The following ANAPC1 variants were observed in gnomAD, a reference collection of about 807,000 sequenced individuals.
ANAPC1 encodes anaphase-promoting complex subunit 1.
ANAPC1 carries 36 observed loss-of-function variants against 208.0 expected under a neutral mutation model. The observed-to-expected ratio is 0.17, with a 90% confidence interval of 0.13 to 0.23. ANAPC1 has a LOEUF of 0.23. Ranked by LOEUF, ANAPC1 falls within the 10% of genes least tolerant of loss-of-function variation. The probability of loss-of-function intolerance (pLI) is 1.00; values close to 1 mark genes in which losing one functional copy is unlikely to be tolerated. For missense variants in ANAPC1, 942 were observed against 2,011.6 expected (o/e 0.47, Z 10.17); for synonymous variants, 378 against 695.2 (o/e 0.54, Z 7.18).
At chr2:111,855,181 C>T (rs1372758047) in intron 13 of ANAPC1, among the ~76,000 whole-genome samples, 1 of 152,172 alleles carries the variant, frequency 6.6e-6, no homozygotes, top group Non-Finnish European at 1.5e-5. Context: ...AATGATCAGA[C>T]AGACCACACA....
chr2:111,836,188 C>G (rs1351709993), intron 18 of ANAPC1, among the ~76,000 whole-genome samples: 1 of 151,840 alleles, frequency 6.6e-6, no homozygotes, highest in Non-Finnish European at 1.5e-5. Context: ...ACTGGTCTTA[C>G]TATAATATGT....
chr2:111,883,611 A>G (rs1013906690), intron 1 of ANAPC1, among the ~76,000 whole-genome samples: 3 of 151,946 alleles, frequency 2.0e-5, no homozygotes, highest in African/African-American at 4.8e-5. Context: ...GCCTTTCTAG[A>G]GGACGGTGAA....
At chr2:111,771,859 T>C (rs1217562657) in intron 47 of ANAPC1, among the ~76,000 whole-genome samples, 7 of 152,060 alleles carry the variant, frequency 4.6e-5, no homozygotes, top group Admixed American at 3.3e-4. Flanking sequence ...TGGATAAATT[T>C]TTTTTATCTG....
At chr2:111,848,449 G>A (rs540804069) in intron 14 of ANAPC1, among the ~76,000 whole-genome samples, 1 of 151,640 alleles carries the variant, frequency 6.6e-6, no homozygotes, top group Non-Finnish European at 1.5e-5. Context: ...AGAGAAGCCA[G>A]CAGCACTGTT....
downstream of ANAPC1, among the ~76,000 whole-genome samples, chr2:111,767,208 C>G (rs376180983): frequency 0.02 from 2,950 of 150,504 alleles, 91 homozygotes; most frequent in East Asian, 0.1. Context: ...TGCCTCTCCT[C>G]CCAGTCCTGG....
intron 20 of ANAPC1, 32 bp from the exon 21 acceptor site, chr2:111,831,466 C>A (rs749747998): frequency 5.4e-6 from 8 of 1,484,720 alleles, no homozygotes; most frequent in African/African-American, 1.4e-5. Context: ...CAAAAAGACA[C>A]GAAAATACAT....
chr2:111,771,950 T>C (rs1321602733), intron 47 of ANAPC1, among the ~76,000 whole-genome samples: 1 of 150,520 alleles, frequency 6.6e-6, no homozygotes. Context: ...AACACAAAAT[T>C]AGGTATTTAT....
At chr2:111,810,533 G>C (rs1408280867) in intron 28 of ANAPC1, among the ~76,000 whole-genome samples, 11 of 151,338 alleles carry the variant, frequency 7.3e-5, no homozygotes, top group African/African-American at 2.7e-4. Context: ...AAGTGAAAGA[G>C]TTTAGTTTGC....
intron 1 of ANAPC1, among the ~76,000 whole-genome samples, chr2:111,881,498 C>T (rs1298288847): frequency 6.6e-6 from 1 of 152,160 alleles, no homozygotes; most frequent in Non-Finnish European, 1.5e-5. Flanking sequence ...AACAGTTATG[C>T]TTGCAGATTT....
At position 111,843,400 on chromosome 2, in the gene ANAPC1, G is replaced by C. The variant is rs1163122821; in HGVS notation, c.2040+12C>G. On this transcript the variant is annotated intron_variant, in intron 17 of 47. Transcript: ENST00000341068. Reference sequence around the variant, plus strand: ...AGAATAACTCATAAAGAAAACAATAGTATTTACTTACATTTCTAGTCCATG... The same window carrying C: ...AGAATAACTCATAAAGAAAACAATACTATTTACTTACATTTCTAGTCCATG... The C allele has an allele frequency of 2.5e-6, 4 of 1,611,354 alleles. No individual in the cohort carries two copies. Among genetic ancestry groups the C allele is most frequent in the Admixed American group, 3.3e-5 (2 of 59,992 alleles).
At chr2:111,856,254 A>G (rs1277593499) in intron 13 of ANAPC1, 3 of 188,528 alleles carry the variant, frequency 1.6e-5, no homozygotes, top group Non-Finnish European at 3.3e-5. Context: ...CAGCTAACAT[A>G]TACCACATTT....
chr2:111,867,983 A>C (rs777213174), intron 7 of ANAPC1, 40 bp downstream of exon 7: 16 of 1,429,726 alleles, frequency 1.1e-5, no homozygotes, highest in African/African-American at 1.5e-5. Flanking sequence ...AAAGTCAAAA[A>C]AAAAAGAGCT....
At chr2:111,877,350 A>G (rs1460795234) in intron 3 of ANAPC1, among the ~76,000 whole-genome samples, 1 of 152,010 alleles carries the variant, frequency 6.6e-6, no homozygotes, top group East Asian at 1.9e-4. Context: ...AACAGTCCCC[A>G]CCTTTTTTTC....
At chr2:111,839,662 A>G (rs187237363) in intron 17 of ANAPC1, among the ~76,000 whole-genome samples, 2 of 152,364 alleles carry the variant, frequency 1.3e-5, no homozygotes, top group East Asian at 1.9e-4. Flanking sequence ...ACTCATATAT[A>G]TTATAAAAAA....
At chr2:111,776,152 C>T (rs897215336) in intron 46 of ANAPC1, among the ~76,000 whole-genome samples, 1 of 150,522 alleles carries the variant, frequency 6.6e-6, no homozygotes, top group Non-Finnish European at 1.5e-5. Context: ...TAGTATTAAC[C>T]CAAAGCAAGC....
At chr2:111,862,693 G>T in intron 9 of ANAPC1, 95 bp from the exon 10 acceptor site, 1 of 1,490,718 alleles carries the variant, frequency 6.7e-7, no homozygotes, top group East Asian at 2.5e-5. Context: ...TCCACAGACA[G>T]AAGAGCATTC....
chr2:111,779,894 G>A (rs1212862694), intron 44 of ANAPC1: 6 of 234,340 alleles, frequency 2.6e-5, no homozygotes, highest in Non-Finnish European at 4.2e-5. Flanking sequence ...AGCACCCTTG[G>A]AATCTTGAAG....
intron 21 of ANAPC1, among the ~76,000 whole-genome samples, chr2:111,829,663 T>C (rs966794710): frequency 2.0e-5 from 3 of 151,944 alleles, no homozygotes; most frequent in Admixed American, 1.3e-4. Flanking sequence ...AATAAATAAA[T>C]CATGAGATTT....
At chr2:111,860,762 C>T (rs1682015755) in intron 10 of ANAPC1, among the ~76,000 whole-genome samples, 2 of 151,934 alleles carry the variant, frequency 1.3e-5, no homozygotes, top group Admixed American at 6.6e-5. Context: ...TCCAGGACTT[C>T]AGTTCCTAGC....
Sources: allele counts gnomAD v4.1 joint callset (sites outside exome capture counted in the v4.1 genomes callset), GRCh38; gene constraint gnomAD v4.1.1; transcripts MANE v1.5; gene names NCBI Gene and HGNC (gene_info 2026-07-23, HGNC 2026-07-21).